RAB8B: variants seen among roughly 807,000 people sequenced by gnomAD.
RAB8B encodes RAB8B, member RAS oncogene family.
A neutral mutation model predicts 32.0 loss-of-function variants in RAB8B; 11 were observed. The ratio of observed to expected loss-of-function variants is 0.34; its 90% CI spans 0.22 to 0.57. The LOEUF is 0.57. RAB8B is among the 20% of genes least tolerant of loss of function. The pLI, the probability that RAB8B is intolerant of heterozygous loss-of-function variation, is 0.86. For synonymous variants in RAB8B, 103 were observed against 89.6 expected (o/e 1.15, Z -0.85); for missense variants, 190 against 258.5 (o/e 0.73, Z 1.82).
At chr15:63,197,370 C>CTTTTTTTTTTTTTT (rs58765418) in intron 1 of RAB8B, among the ~76,000 whole-genome samples, 67 of 61,446 alleles carry the variant, frequency 1.1e-3, no homozygotes, top group East Asian at 1.8e-3. Context: ...TCTTTCTTTT[C>CTTTTTTTTTTTTTT]TTTTTTTTTT....
At chr15:63,231,807 A>G (rs2037939168) in intron 1 of RAB8B, among the ~76,000 whole-genome samples, 2 of 152,320 alleles carry the variant, frequency 1.3e-5, no homozygotes, top group African/African-American at 4.8e-5. Flanking sequence ...AAGAAAGGTT[A>G]GTTCACCAGT....
intron 7 of RAB8B, 47 bp downstream of exon 7, chr15:63,262,789 C>T: frequency 2.0e-6 from 2 of 1,011,560 alleles, no homozygotes; most frequent in East Asian, 3.2e-5. Flanking sequence ...GTCTGTTTGG[C>T]ATTTGATGAA....
chr15:63,260,724 A>T (rs1378236981), intron 6 of RAB8B, among the ~76,000 whole-genome samples: 1 of 151,980 alleles, frequency 6.6e-6, no homozygotes, highest in African/African-American at 2.4e-5. Context: ...GGGAACTGTT[A>T]TTTTTTTTAA....
intron 1 of RAB8B, among the ~76,000 whole-genome samples, chr15:63,242,636 C>T (rs2038041855): frequency 6.6e-6 from 1 of 152,132 alleles, no homozygotes; most frequent in Non-Finnish European, 1.5e-5. Context: ...TGAGATTGCT[C>T]CACTGCACTC....
chr15:63,239,776 G>A (rs72748903), intron 1 of RAB8B, among the ~76,000 whole-genome samples: 6,801 of 152,224 alleles, frequency 0.045, 245 homozygotes, highest in East Asian at 0.18. Flanking sequence ...ATATGTAAGA[G>A]TACCTACCCT....
chr15:63,263,369 C>G (rs2038217577), intron 7 of RAB8B, among the ~76,000 whole-genome samples, 158 bp from the exon 8 acceptor site: 1 of 152,158 alleles, frequency 6.6e-6, no homozygotes, highest in East Asian at 1.9e-4. Context: ...AACATTGGTG[C>G]TTAACTAGTT....
intron 1 of RAB8B, among the ~76,000 whole-genome samples, chr15:63,210,705 C>T (rs548789654): frequency 1.2e-4 from 19 of 152,294 alleles, no homozygotes; most frequent in African/African-American, 3.1e-4. Context: ...CGTGGCCTCC[C>T]GCTGTCTTTT....
chr15:63,264,594 C>A lies in RAB8B; in HGVS notation c.*975C>A, dbSNP rs1027352448. 1 of 152,174 alleles carries A rather than the reference C, an allele frequency of 6.6e-6. No individual in the cohort carries two copies. The highest frequency in any genetic ancestry group is 2.4e-5 in the African/African-American group (1 of 41,448). The allele number at this position is 152,174 out of a possible 1,614,324, so 9.4% of individuals were successfully genotyped here. A position where few individuals can be genotyped will look rare whatever the true frequency, so the allele number is the denominator to read the frequency against. On this transcript the variant is annotated 3_prime_UTR_variant, in exon 8 of 8. Coordinates refer to ENST00000321437, the MANE Select transcript of RAB8B (RefSeq NM_016530.3). Reference sequence around the variant, plus strand: ...TGTAATACCAAATTCCTACCATAATCCCTGTCTACAAAAGTTAGGTTTAGA... The same window carrying A: ...TGTAATACCAAATTCCTACCATAATACCTGTCTACAAAAGTTAGGTTTAGA...
intron 1 of RAB8B, among the ~76,000 whole-genome samples, chr15:63,193,682 G>T (rs888304149): frequency 4.0e-5 from 6 of 151,772 alleles, no homozygotes; most frequent in African/African-American, 1.5e-4. Context: ...GTGGCAGCGG[G>T]CACCTGTAGT....
chr15:63,217,092 C>T (rs951942782), intron 1 of RAB8B, among the ~76,000 whole-genome samples: 1 of 151,936 alleles, frequency 6.6e-6, no homozygotes, highest in African/African-American at 2.4e-5. Context: ...TGGTAGTTTC[C>T]TTCATCTTTA....
chr15:63,241,300 G>T (rs1309880393), intron 1 of RAB8B, among the ~76,000 whole-genome samples: 1 of 152,200 alleles, frequency 6.6e-6, no homozygotes, highest in Admixed American at 6.5e-5. Context: ...GGTGAGCCAA[G>T]ATCGCGCCAC....
intron 1 of RAB8B, among the ~76,000 whole-genome samples, chr15:63,241,727 A>C (rs998840004): frequency 6.6e-6 from 1 of 152,186 alleles, no homozygotes; most frequent in Non-Finnish European, 1.5e-5. Context: ...TATTGAGTAC[A>C]TACCAGGTTT....
rs902683691 is a variant in RAB8B at position 63,267,542 on chromosome 15, A to G, written c.*3923A>G. 6 of 152,218 alleles carry G rather than the reference A, an allele frequency of 3.9e-5. No homozygotes were observed. The highest frequency in any genetic ancestry group is 7.3e-5 in the Non-Finnish European group (5 of 68,044). The allele number at this position is 152,218 out of a possible 1,614,324, so 9.4% of individuals were successfully genotyped here. A position where few individuals can be genotyped will look rare whatever the true frequency, so the allele number is the denominator to read the frequency against. On this transcript the variant is annotated 3_prime_UTR_variant, in exon 8 of 8. Coordinates refer to ENST00000321437, the MANE Select transcript of RAB8B (RefSeq NM_016530.3). ...CTAATGGAAACTCTCTAGTTTTTCC[A>G]TATAACTATCCTACTGTACATGTTT...
intron 5 of RAB8B, among the ~76,000 whole-genome samples, chr15:63,257,054 G>C (rs1263882435): frequency 6.6e-6 from 1 of 152,102 alleles, no homozygotes; most frequent in Non-Finnish European, 1.5e-5. Flanking sequence ...TAAATTCCTT[G>C]TAACTGATCA....
intron 1 of RAB8B, among the ~76,000 whole-genome samples, chr15:63,202,917 C>T (rs912749152): frequency 4.6e-5 from 7 of 152,194 alleles, no homozygotes; most frequent in Non-Finnish European, 8.8e-5. Context: ...ATAACGAAGT[C>T]CACTTGCTAA....
chr15:63,241,799 G>T (rs1436250705), intron 1 of RAB8B, among the ~76,000 whole-genome samples: 2 of 151,966 alleles, frequency 1.3e-5, no homozygotes, highest in Admixed American at 6.6e-5. Context: ...ATTCCTAGAG[G>T]GTCTTTGTTA....
chr15:63,215,044 GTTGCTAT>G (rs1310023886), intron 1 of RAB8B, among the ~76,000 whole-genome samples: 2 of 152,244 alleles, frequency 1.3e-5, no homozygotes, highest in African/African-American at 4.8e-5. Context: ...GATACCTGCT[GTTGCTAT>G]TTGTGACCAA....
chr15:63,191,915 C>CT (rs1392988443), intron 1 of RAB8B, among the ~76,000 whole-genome samples: 1 of 152,162 alleles, frequency 6.6e-6, no homozygotes, highest in Non-Finnish European at 1.5e-5. Flanking sequence ...GGGTTCAAGT[C>CT]TATCAGTGGA....
chr15:63,227,517 A>G (rs2037899119), intron 1 of RAB8B, among the ~76,000 whole-genome samples: 1 of 152,238 alleles, frequency 6.6e-6, no homozygotes, highest in Admixed American at 6.5e-5. Flanking sequence ...AACATTGTAA[A>G]ATACTAACTT....
Sources: gnomAD v4.1 joint callset for allele counts (sites outside exome capture counted in the v4.1 genomes callset) on GRCh38, gnomAD v4.1.1 for gene constraint, MANE v1.5 for transcripts, NCBI Gene and HGNC (gene_info 2026-07-23, HGNC 2026-07-21) for gene names.